The following CEP162 variants were observed in gnomAD, a reference collection of about 807,000 sequenced individuals.
The protein encoded by CEP162 is centrosomal protein of 162 kDa.
CEP162 carries 141 observed loss-of-function variants against 169.2 expected under a neutral mutation model. The ratio of observed to expected loss-of-function variants is 0.83; its 90% CI spans 0.73 to 0.96. The LOEUF (loss-of-function observed/expected upper bound fraction) is 0.96. Ranked by LOEUF, CEP162 falls within the 40% of genes least tolerant of loss-of-function variation. CEP162 has a pLI of 0.00. For missense variants in CEP162, 1,600 were observed against 1,587.2 expected (o/e 1.01, Z -0.14); for synonymous variants, 540 against 526.4 (o/e 1.03, Z -0.35).
At chr6:84,176,880 T>C (rs370381606) in intron 13 of CEP162, among the ~76,000 whole-genome samples, 1 of 151,950 alleles carries the variant, frequency 6.6e-6, no homozygotes, top group Non-Finnish European at 1.5e-5. Context: ...TATCAAGTAA[T>C]TATATTTATT....
At chr6:84,180,237 C>T (rs2099534187) in intron 13 of CEP162, among the ~76,000 whole-genome samples, 3 of 152,242 alleles carry the variant, frequency 2.0e-5, no homozygotes, top group African/African-American at 7.2e-5. Context: ...GAACCAAAGA[C>T]AAAAACCACA....
At chr6:84,174,617 A>C in intron 15 of CEP162, 110 bp downstream of exon 15, 2 of 616,752 alleles carry the variant, frequency 3.2e-6, no homozygotes, top group East Asian at 2.8e-5. Flanking sequence ...CAGCAAATAC[A>C]TCAAGTCAAA....
chr6:84,143,960 T>C (rs546205020), intron 25 of CEP162, among the ~76,000 whole-genome samples: 1 of 152,192 alleles, frequency 6.6e-6, no homozygotes, highest in East Asian at 1.9e-4. Context: ...ACTATGCGAC[T>C]TTCTGTATTT....
At chr6:84,156,313 G>A (rs139552222) in intron 21 of CEP162, among the ~76,000 whole-genome samples, 317 of 152,106 alleles carry the variant, frequency 2.1e-3, no homozygotes, top group African/African-American at 7.5e-3. Context: ...ACTGGCCCAG[G>A]CAAAGGATTT....
chr6:84,184,088 C>T (rs968869758), intron 13 of CEP162, among the ~76,000 whole-genome samples: 1 of 152,148 alleles, frequency 6.6e-6, no homozygotes, highest in African/African-American at 2.4e-5. Flanking sequence ...AATGCAGGAA[C>T]TAGCCATGTT....
rs919192260 is a variant in CEP162 at position 84,124,796 on chromosome 6, C to G, written c.*274G>C. ...GAGTATGTTCAATTTTCTTTTCTTTCTATTTCTAGCATACAAGTGAGCCCT... is the reference window on the plus strand; with the variant it reads ...GAGTATGTTCAATTTTCTTTTCTTTGTATTTCTAGCATACAAGTGAGCCCT... On this transcript the variant is annotated 3_prime_UTR_variant, in exon 27 of 27. Transcript: ENST00000403245. The G allele has an allele frequency of 7.6e-6, 3 of 393,770 alleles. No homozygotes were observed. Among genetic ancestry groups the G allele is most frequent in the African/African-American group, 6.4e-5 (3 of 46,788 alleles). 24.4% of individuals were successfully genotyped at this position (393,770 alleles called of 1,614,324 possible).
chr6:84,195,606 TTATC>T (rs1211040649), intron 9 of CEP162, among the ~76,000 whole-genome samples: 1 of 152,234 alleles, frequency 6.6e-6, no homozygotes, highest in Non-Finnish European at 1.5e-5. Context: ...ACATCTGACA[TTATC>T]TTTTTCACTT....
At chr6:84,220,574 A>G (rs1485848532) in intron 3 of CEP162, among the ~76,000 whole-genome samples, 1 of 152,172 alleles carries the variant, frequency 6.6e-6, no homozygotes, top group Non-Finnish European at 1.5e-5. Context: ...ACAATGAGCT[A>G]TGATTGTGTT....
At chr6:84,208,982 G>C (rs1298313927) in intron 6 of CEP162, among the ~76,000 whole-genome samples, 2 of 152,202 alleles carry the variant, frequency 1.3e-5, no homozygotes, top group African/African-American at 4.8e-5. Context: ...GAGGAGATAT[G>C]GGAGAATATG....
chr6:84,195,663 CCTGTAA>C (rs2099541828), intron 9 of CEP162, among the ~76,000 whole-genome samples: 1 of 152,006 alleles, frequency 6.6e-6, no homozygotes, highest in African/African-American at 2.4e-5. Context: ...TGTTTTTTTT[CCTGTAA>C]CTGTTTCTTC....
chr6:84,197,825 C>CAAAAA (rs564556727), intron 9 of CEP162, among the ~76,000 whole-genome samples: 137 of 64,048 alleles, frequency 2.1e-3, no homozygotes, highest in East Asian at 4.9e-3. Flanking sequence ...TCAAACAAAA[C>CAAAAA]AAAAAAAAAA....
chr6:84,182,419 G>C (rs745647591), intron 13 of CEP162, among the ~76,000 whole-genome samples: 2 of 152,008 alleles, frequency 1.3e-5, no homozygotes, highest in Non-Finnish European at 2.9e-5. Context: ...TAGAGCCAAA[G>C]AAAATTAATC....
intron 25 of CEP162, among the ~76,000 whole-genome samples, chr6:84,129,348 C>A (rs533487307): frequency 6.4e-4 from 97 of 152,308 alleles, no homozygotes; most frequent in Non-Finnish European, 1.1e-3. Flanking sequence ...TCCTCTCCAG[C>A]ATCTGTTTCC....
intron 5 of CEP162, among the ~76,000 whole-genome samples, chr6:84,214,921 C>T (rs1427638395): frequency 6.6e-6 from 1 of 152,140 alleles, no homozygotes; most frequent in Non-Finnish European, 1.5e-5. Flanking sequence ...CCTTGGTTCC[C>T]ACTTCCCTTT....
chr6:84,134,742 C>T (rs942905997), intron 25 of CEP162, among the ~76,000 whole-genome samples: 2 of 152,120 alleles, frequency 1.3e-5, no homozygotes, highest in African/African-American at 2.4e-5. Context: ...AATCACTTTC[C>T]TTCTGTGTTG....
chr6:84,202,650 C>T (rs1050118006), intron 7 of CEP162, among the ~76,000 whole-genome samples: 3 of 151,238 alleles, frequency 2.0e-5, no homozygotes, highest in African/African-American at 7.3e-5. Context: ...GCCTCAGCCT[C>T]CCGAGCAGCT....
At chr6:84,142,638 A>T (rs1329902434) in intron 25 of CEP162, among the ~76,000 whole-genome samples, 1 of 152,214 alleles carries the variant, frequency 6.6e-6, no homozygotes, top group Non-Finnish European at 1.5e-5. Flanking sequence ...TAATAAAAAT[A>T]GGCATGACTT....
Position 84,174,039 on chromosome 6 carries a change from T to C in CEP162, c.2166+9A>G, listed in dbSNP as rs763025946. The C allele has an allele frequency of 1.6e-5, 25 of 1,605,722 alleles. No individual in the cohort carries two copies. In the South Asian group the frequency reaches 2.7e-4, roughly 17 times the overall value. On this transcript the variant is annotated intron_variant, in intron 16 of 26. Transcript: ENST00000403245. ...AGTAAATTTGCCATATGTTGAAGAA[T>C]TGCCATACCTGTTGATATCCTTGAA...
rs1562028419 is a variant in CEP162 at position 84,161,862 on chromosome 6, CTTGT to C, written c.2556_2559del (p.Gln853LysfsTer43). The C allele has an allele frequency of 2.0e-5, 31 of 1,577,062 alleles. No individual in the cohort carries two copies. The highest frequency in any genetic ancestry group is 8.8e-5 in the Admixed American group (5 of 56,654). On this transcript the variant is annotated frameshift_variant, in exon 20 of 27. Coordinates refer to ENST00000403245, the MANE Select transcript of CEP162 (RefSeq NM_014895.4). LOFTEE classifies it high-confidence loss of function. Reference sequence around the variant, plus strand: ...AATCTTTTTTGCAGACGACTGATTTCTTGTTTATGTGTTTCTTCTAAAATTTTTA... The same window carrying C: ...AATCTTTTTTGCAGACGACTGATTTCTTATGTGTTTCTTCTAAAATTTTTA...
Sources: allele counts gnomAD v4.1 joint callset (sites outside exome capture counted in the v4.1 genomes callset), GRCh38; gene constraint gnomAD v4.1.1; transcripts MANE v1.5; gene names NCBI Gene and HGNC (gene_info 2026-07-23, HGNC 2026-07-21).